The following CCBE1 variants were observed in gnomAD, a reference collection of about 807,000 sequenced individuals.
CCBE1 encodes collagen and calcium-binding EGF domain-containing protein 1.
A neutral mutation model predicts 50.0 loss-of-function variants in CCBE1; 37 were observed. That is an observed-to-expected ratio of 0.74 (90% CI 0.57 to 0.97). CCBE1 has a LOEUF of 0.97. Ranked by LOEUF, CCBE1 falls within the 50% of genes least tolerant of loss-of-function variation. CCBE1 has a pLI of 0.00. For missense variants in CCBE1, 538 were observed against 523.8 expected, an observed-to-expected ratio of 1.03 and a Z score of -0.26; for synonymous variants, 234 against 203.7, an observed-to-expected ratio of 1.15 and a Z score of -1.27.
At chr18:59,565,111 C>T (rs2052800964) in intron 2 of CCBE1, among the ~76,000 whole-genome samples, 1 of 152,136 alleles carries the variant, frequency 6.6e-6, no homozygotes, top group Non-Finnish European at 1.5e-5. Context: ...GAGGCAAGGG[C>T]CACCCTTCAG....
chr18:59,631,756 C>G (rs992882078), intron 2 of CCBE1, among the ~76,000 whole-genome samples: 1 of 152,186 alleles, frequency 6.6e-6, no homozygotes, highest in South Asian at 2.1e-4. Flanking sequence ...AGAGTTGCCA[C>G]CTTTTCCCAC....
At chr18:59,617,374 A>G (rs2053650603) in intron 2 of CCBE1, among the ~76,000 whole-genome samples, 1 of 152,252 alleles carries the variant, frequency 6.6e-6, no homozygotes, top group Non-Finnish European at 1.5e-5. Flanking sequence ...CTACCTTTGG[A>G]GATGTCACCT....
rs145104002 is a variant in CCBE1, at chr18:59,575,375, G to C, written c.213-95137C>G. On this transcript the variant is annotated intron_variant, in intron 2 of 10. Coordinates refer to ENST00000439986, the MANE Select transcript of CCBE1 (RefSeq NM_133459.4). Reference sequence around the variant, plus strand: ...GCAAAAGGTGAAAGAGCAGAACAAGGTCAAGGGGAAAGTGCACTTTTCTAG... The same window carrying C: ...GCAAAAGGTGAAAGAGCAGAACAAGCTCAAGGGGAAAGTGCACTTTTCTAG... Among the ~76,000 whole-genome samples the C allele has an allele frequency of 1.8e-3, 279 of 152,278 alleles. 2 individuals are homozygous for C. The highest frequency in any genetic ancestry group is 0.015 in the Admixed American group (230 of 15,296).
Position 59,592,724 on chromosome 18 carries a change from T to A in CCBE1, c.212+103905A>T, listed in dbSNP as rs533170741. Among the ~76,000 whole-genome samples the A allele has an allele frequency of 2.6e-5, 4 of 151,982 alleles. No homozygotes were observed. The East Asian group carries it at 5.8e-4, about 22-fold the overall frequency. ...GTGGACAGGTGAAAATATATTGGAG[T>A]AAGGAAGTGACACTTCTCCATATAG... On this transcript the variant is annotated intron_variant, in intron 2 of 10. Coordinates refer to ENST00000439986, the MANE Select transcript of CCBE1 (RefSeq NM_133459.4).
chr18:59,496,067 C>T (rs1445265849), intron 2 of CCBE1, among the ~76,000 whole-genome samples: 3 of 152,144 alleles, frequency 2.0e-5, no homozygotes, highest in Non-Finnish European at 2.9e-5. Flanking sequence ...GAGTTTGTCA[C>T]TTATCATAAT....
chr18:59,694,243 C>T (rs1568277389), intron 2 of CCBE1, among the ~76,000 whole-genome samples: 1 of 152,148 alleles, frequency 6.6e-6, no homozygotes, highest in Non-Finnish European at 1.5e-5. Flanking sequence ...TTCACTTGTG[C>T]TGAAAACCAT....
intron 2 of CCBE1, among the ~76,000 whole-genome samples, chr18:59,682,539 C>T (rs1445572921): frequency 6.6e-6 from 1 of 152,176 alleles, no homozygotes; most frequent in Non-Finnish European, 1.5e-5. Context: ...CCTTAGAGAA[C>T]TCTCCAGTGA....
intron 5 of CCBE1, among the ~76,000 whole-genome samples, 173 bp downstream of exon 5, chr18:59,466,564 ATT>A (rs1568154702): frequency 6.6e-6 from 1 of 151,598 alleles, no homozygotes; most frequent in Non-Finnish European, 1.5e-5. Flanking sequence ...AACTTTAGAC[ATT>A]AAACATAATG....
intron 2 of CCBE1, among the ~76,000 whole-genome samples, chr18:59,640,767 A>T (rs1028608600): frequency 1.3e-5 from 2 of 152,186 alleles, no homozygotes; most frequent in Non-Finnish European, 2.9e-5. Flanking sequence ...TCCAGAATCT[A>T]TAAGGAACTT....
chr18:59,617,529 G>A (rs2053652952), intron 2 of CCBE1, among the ~76,000 whole-genome samples: 1 of 152,182 alleles, frequency 6.6e-6, no homozygotes, highest in Non-Finnish European at 1.5e-5. Flanking sequence ...GGAGGTAACT[G>A]ACTGTTTTTG....
intron 2 of CCBE1, among the ~76,000 whole-genome samples, chr18:59,692,960 A>G (rs982637829): frequency 9.7e-5 from 2 of 20,722 alleles, no homozygotes; most frequent in Admixed American, 4.2e-4. Context: ...GCCAAAGCAC[A>G]CACACACACA....
At chr18:59,503,091 C>G (rs1469657968) in intron 2 of CCBE1, among the ~76,000 whole-genome samples, 1 of 152,194 alleles carries the variant, frequency 6.6e-6, no homozygotes, top group Non-Finnish European at 1.5e-5. Context: ...CCTGTTCCCT[C>G]AAAGGACAGG....
intron 6 of CCBE1, among the ~76,000 whole-genome samples, chr18:59,450,954 C>G (rs1325771086): frequency 6.6e-6 from 1 of 152,160 alleles, no homozygotes; most frequent in Non-Finnish European, 1.5e-5. Flanking sequence ...TGATGCTAGA[C>G]CGAGCAGGTG....
chr18:59,670,567 C>T (rs1221920250), intron 2 of CCBE1, among the ~76,000 whole-genome samples: 2 of 152,188 alleles, frequency 1.3e-5, no homozygotes, highest in Non-Finnish European at 2.9e-5. Flanking sequence ...GTAACCACCT[C>T]CATATGAAAG....
rs548209010 is a variant in CCBE1, at chr18:59,466,819, C to T, written c.473G>A (p.Arg158His). 92 of 1,613,702 alleles carry T rather than the reference C, an allele frequency of 5.7e-5. No individual in the cohort carries two copies. The highest frequency in any genetic ancestry group is 3.7e-4 in the South Asian group (34 of 91,062). ...GATGTAGCCTTCCCGGCACTCGCAG[C>T]GGTAGCTGCCCAAGGTATTGATGCA... ...HICINTLGSY[R>H]CECREGYIRE... Residue 158 changes from arginine to histidine, a missense_variant, in exon 5 of 11, where the codon CGC becomes CAC. Coordinates refer to ENST00000439986, the MANE Select transcript of CCBE1 (RefSeq NM_133459.4).
At chr18:59,696,210 C>T (rs979583312) in intron 2 of CCBE1, among the ~76,000 whole-genome samples, 1 of 152,212 alleles carries the variant, frequency 6.6e-6, no homozygotes, top group Non-Finnish European at 1.5e-5. Flanking sequence ...CAGCCACACT[C>T]TGCCCCAACA....
chr18:59,539,555 CAT>C (rs33971871), intron 2 of CCBE1, among the ~76,000 whole-genome samples: 42,056 of 152,008 alleles, frequency 0.28, 5,997 homozygotes, highest in African/African-American at 0.33. Flanking sequence ...GGGCAAGAAA[CAT>C]GTGTTATTTT....
intron 2 of CCBE1, among the ~76,000 whole-genome samples, chr18:59,637,863 A>G (rs780964717): frequency 6.6e-6 from 1 of 152,188 alleles, no homozygotes; most frequent in East Asian, 1.9e-4. Context: ...TTACAAAATA[A>G]AAACCAGGCC....
rs187392888 is a variant in CCBE1, at chr18:59,538,640, G to T, written c.213-58402C>A. Among the ~76,000 whole-genome samples the T allele has an allele frequency of 4.5e-3, 680 of 152,296 alleles. 2 individuals are homozygous for T. The highest frequency in any genetic ancestry group is 6.7e-3 in the Non-Finnish European group (458 of 68,014). On this transcript the variant is annotated intron_variant, in intron 2 of 10. Transcript: ENST00000439986. Reference sequence around the variant, plus strand: ...AAATGCCTGACGTGAGGAGGGACAAGAGTAAACAGTCAAAAGTGGGCCATA... The same window carrying T: ...AAATGCCTGACGTGAGGAGGGACAATAGTAAACAGTCAAAAGTGGGCCATA...
Sources: allele counts gnomAD v4.1 joint callset (sites outside exome capture counted in the v4.1 genomes callset), GRCh38; gene constraint gnomAD v4.1.1; transcripts MANE v1.5; gene names NCBI Gene and HGNC (gene_info 2026-07-23, HGNC 2026-07-21).